VGLL3: variants seen among roughly 807,000 people sequenced by gnomAD.
The protein encoded by VGLL3 is transcription cofactor vestigial-like protein 3.
Under a neutral mutation model 29.2 loss-of-function variants are expected in VGLL3, and 18 were observed. The observed-to-expected ratio is 0.62, with a 90% CI of 0.43 to 0.91. VGLL3 has a LOEUF of 0.91. Among genes scored for constraint, VGLL3 ranks in the 40% least tolerant of loss-of-function variants. VGLL3 has a pLI of 0.00. For synonymous variants in VGLL3, 180 were observed against 151.8 expected, an observed-to-expected ratio of 1.19 and a Z score of -1.36; for missense variants, 440 against 413.2, an observed-to-expected ratio of 1.06 and a Z score of -0.56.
At chr3:86,986,405 G>C (rs1467419973) in intron 1 of VGLL3, among the ~76,000 whole-genome samples, 4 of 152,076 alleles carry the variant, frequency 2.6e-5, no homozygotes, top group African/African-American at 7.2e-5. Flanking sequence ...AGAGATAAGA[G>C]TTCAATTATT....
chr3:86,982,168 G>A lies in VGLL3; in HGVS notation c.127-3366C>T, dbSNP rs147463606. ...TTTTTAATTTTTATTTTTTGAGATG[G>A]ACTTTTGCTCTTGTTGCCCAGGCTG... On this transcript the variant is annotated intron_variant, in intron 1 of 3. Coordinates refer to ENST00000398399, the MANE Select transcript of VGLL3 (RefSeq NM_016206.4). Among the ~76,000 whole-genome samples, 542 of 152,060 alleles carry A rather than the reference G, an allele frequency of 3.6e-3. 4 individuals are homozygous for A. The highest frequency in any genetic ancestry group is 0.012 in the African/African-American group (477 of 41,470).
chr3:86,958,389 C>T (rs545970712), intron 3 of VGLL3, among the ~76,000 whole-genome samples: 53 of 152,296 alleles, frequency 3.5e-4, no homozygotes, highest in African/African-American at 1.2e-3. Context: ...CTTACCAAGA[C>T]GTCTTTTACA....
At chr3:86,949,880 T>C (rs1395622879) in intron 3 of VGLL3, among the ~76,000 whole-genome samples, 1 of 151,948 alleles carries the variant, frequency 6.6e-6, no homozygotes, top group Non-Finnish European at 1.5e-5. Context: ...GGGCTACAAT[T>C]TTTTCTTATT....
intron 3 of VGLL3, among the ~76,000 whole-genome samples, chr3:86,967,554 T>C (rs1477569281): frequency 6.6e-6 from 1 of 152,222 alleles, no homozygotes; most frequent in Non-Finnish European, 1.5e-5. Flanking sequence ...TGAGCATTTA[T>C]GACTCTGGGG....
intron 3 of VGLL3, among the ~76,000 whole-genome samples, chr3:86,965,181 A>G (rs879501556): frequency 6.6e-6 from 1 of 152,060 alleles, no homozygotes; most frequent in African/African-American, 2.4e-5. Context: ...AAGGAAAGAA[A>G]GCAAATTTCA....
chr3:86,956,848 C>T (rs116007291), intron 3 of VGLL3, among the ~76,000 whole-genome samples: 1,572 of 151,138 alleles, frequency 0.01, 8 homozygotes, highest in Non-Finnish European at 0.016. Flanking sequence ...GGGATGCTCT[C>T]CAATTTACGT....
rs1418213573 is a variant in VGLL3 at position 86,942,022 on chromosome 3, A to T, written c.*5002T>A. On this transcript the variant is annotated 3_prime_UTR_variant, in exon 4 of 4. Transcript: ENST00000398399. ...GAAAGTTAGGCTAAAATTTTTACCTAATTTTTCTATAATGATTTTAATAAC... is the reference window on the plus strand; with the variant it reads ...GAAAGTTAGGCTAAAATTTTTACCTTATTTTTCTATAATGATTTTAATAAC... 6 of 152,158 alleles carry T rather than the reference A, an allele frequency of 3.9e-5. No homozygotes were observed. The highest frequency in any genetic ancestry group is 6.6e-5 in the Admixed American group (1 of 15,254). The allele number at this position is 152,158 out of a possible 1,614,324, so 9.4% of individuals were successfully genotyped here. A position where few individuals can be genotyped will look rare whatever the true frequency, so the allele number is the denominator to read the frequency against.
At position 86,990,661 on chromosome 3, in the gene VGLL3, C is replaced by A; in HGVS notation, c.83G>T (p.Cys28Phe). 7.1e-7 allele frequency: 1 copy of A among 1,402,308 alleles called. No homozygotes were observed. The highest frequency in any genetic ancestry group is 9.3e-7 in the Non-Finnish European group (1 of 1,074,256). The allele number at this position is 1,402,308 out of a possible 1,614,324, so 86.9% of individuals were successfully genotyped here. A position where few individuals can be genotyped will look rare whatever the true frequency, so the allele number is the denominator to read the frequency against. Residue 28 changes from cysteine (C) to phenylalanine (F), a missense_variant, in exon 1 of 4, where the codon TGC becomes TTC. By Grantham distance (205) the Cys-to-Phe change is radical. Coordinates refer to ENST00000398399, the MANE Select transcript of VGLL3 (RefSeq NM_016206.4). ...YLPNPMAATT[C>F]PTAYYQPAPQ... ...CGCCGGCTGATAGTAGGCTGTGGGGCAGGTTGTCGCTGCCATGGGGTTGGG... is the reference window on the plus strand; with the variant it reads ...CGCCGGCTGATAGTAGGCTGTGGGGAAGGTTGTCGCTGCCATGGGGTTGGG...
intron 3 of VGLL3, among the ~76,000 whole-genome samples, chr3:86,952,934 T>A (rs893059097): frequency 6.6e-6 from 1 of 152,144 alleles, no homozygotes; most frequent in Non-Finnish European, 1.5e-5. Flanking sequence ...TACAATTGCA[T>A]TTGTTTGTCT....
In VGLL3 at chr3:86,944,632, TC is replaced by T. The variant is rs1384372865; in HGVS notation, c.*2391del. The T allele has an allele frequency of 6.6e-6, 1 of 152,174 alleles. No homozygotes were observed. Among genetic ancestry groups the T allele is most frequent in the African/African-American group, 2.4e-5 (1 of 41,422 alleles). The allele number at this position is 152,174 out of a possible 1,614,324, so 9.4% of individuals were successfully genotyped here. On this transcript the variant is annotated 3_prime_UTR_variant, in exon 4 of 4. Coordinates refer to ENST00000398399, the MANE Select transcript of VGLL3 (RefSeq NM_016206.4). ...AACCAGGTTCCCAACATTTCTCAGT[TC>T]CTCAGAGCCAATAAACTTTTTGTCT... is the stretch of plus-strand genomic sequence containing the variant.
At chr3:86,966,783 A>ATATATATG (rs1704972600) in intron 3 of VGLL3, among the ~76,000 whole-genome samples, 1 of 62,182 alleles carries the variant, frequency 1.6e-5, no homozygotes, top group Non-Finnish European at 3.3e-5. Context: ...GTATATATAT[A>ATATATATG]TATATATATA....
At chr3:86,985,290 G>A (rs772268237) in intron 1 of VGLL3, among the ~76,000 whole-genome samples, 1 of 152,114 alleles carries the variant, frequency 6.6e-6, no homozygotes, top group Non-Finnish European at 1.5e-5. Context: ...CAATTCCTAG[G>A]AATTAGTTAT....
At chr3:86,973,489 G>T (rs2107033621) in intron 2 of VGLL3, among the ~76,000 whole-genome samples, 1 of 152,242 alleles carries the variant, frequency 6.6e-6, no homozygotes, top group South Asian at 2.1e-4. Flanking sequence ...CTGTCATTCA[G>T]TAATTATGCA....
At chr3:86,952,570 C>A (rs1358242466) in intron 3 of VGLL3, among the ~76,000 whole-genome samples, 1 of 151,952 alleles carries the variant, frequency 6.6e-6, no homozygotes. Context: ...ACTTTGAAGA[C>A]CTAAAAGTAA....
In VGLL3 at chr3:86,953,996, T is replaced by A. The variant is rs561355803; in HGVS notation, c.938-6929A>T. 7.9e-5 allele frequency among the ~76,000 whole-genome samples: 12 copies of A among 152,354 alleles called. No homozygotes were observed. The East Asian group carries it at 2.1e-3, about 27-fold the overall frequency. On this transcript the variant is annotated intron_variant, in intron 3 of 3. Transcript: ENST00000398399. ...TGCAATTATTCTCTTATAATTACAA[T>A]TCTTGCACACTAAAATCATTACAAA... is the stretch of plus-strand genomic sequence containing the variant.
chr3:86,962,408 C>A, intron 3 of VGLL3: 1 of 985,322 alleles, frequency 1.0e-6, no homozygotes, highest in Non-Finnish European at 1.2e-6. Flanking sequence ...GTGCCAGAGG[C>A]ACCTCACTGT....
intron 3 of VGLL3, chr3:86,962,741 G>T: frequency 1.6e-6 from 1 of 615,628 alleles, no homozygotes; most frequent in Non-Finnish European, 2.0e-6. Context: ...ATGAGGGCTG[G>T]ACACAGTGGC....
At chr3:86,960,509 A>C (rs2106991432) in intron 3 of VGLL3, among the ~76,000 whole-genome samples, 1 of 152,248 alleles carries the variant, frequency 6.6e-6, no homozygotes, top group African/African-American at 2.4e-5. Context: ...TAGAGAGTAA[A>C]GTTTATTGCT....
intron 1 of VGLL3, among the ~76,000 whole-genome samples, chr3:86,983,669 G>A (rs986181541): frequency 4.6e-5 from 7 of 152,118 alleles, no homozygotes; most frequent in Admixed American, 1.3e-4. Flanking sequence ...TTACAGGCAT[G>A]AGCCACCGTG....
Sources: allele counts gnomAD v4.1 joint callset (sites outside exome capture counted in the v4.1 genomes callset), GRCh38; gene constraint gnomAD v4.1.1; transcripts MANE v1.5; gene names NCBI Gene and HGNC (gene_info 2026-07-23, HGNC 2026-07-21).